Variants in C10orf53 observed in about 807,000 individuals in gnomAD.
C10orf53 encodes the protein UPF0728 protein C10orf53.
Under a neutral mutation model 9.4 loss-of-function variants are expected in C10orf53, and 8 were observed. The ratio of observed to expected loss-of-function variants is 0.85; its 90% CI spans 0.50 to 1.53. The LOEUF (loss-of-function observed/expected upper bound fraction) is 1.53. Among genes scored for constraint, C10orf53 ranks in the 40% most tolerant of loss-of-function variants. C10orf53 has a pLI of 0.00. For synonymous variants in C10orf53, 48 were observed against 46.0 expected (o/e 1.04, Z -0.18); for missense variants, 117 against 117.8 (o/e 0.99, Z 0.03).
intron 2 of C10orf53, chr10:49,694,099 T>G: frequency 3.0e-6 from 2 of 669,268 alleles, no homozygotes; most frequent in Non-Finnish European, 4.9e-6. Context: ...ATGCTACGAG[T>G]TTCCCCAAAC....
intron 1 of C10orf53, among the ~76,000 whole-genome samples, chr10:49,691,920 G>C (rs1244763516): frequency 6.6e-6 from 1 of 152,228 alleles, no homozygotes; most frequent in Non-Finnish European, 1.5e-5. Flanking sequence ...GGAGGTTGGG[G>C]GGTGCGGGTG....
rs1840624796 is a variant in C10orf53 at position 49,695,304 on chromosome 10, G to T, written c.*702G>T. 2 of 152,236 alleles carry T rather than the reference G, an allele frequency of 1.3e-5. No individual in the cohort carries two copies. The highest frequency in any genetic ancestry group is 1.9e-4 in the East Asian group (1 of 5,182). 9.4% of individuals were successfully genotyped at this position (152,236 alleles called of 1,614,324 possible). ...ACACAGCCCCATAGAGTTAAAGAGG[G>T]TTTTCACTATGTTCAGTGTGAAAAT... On this transcript the variant is annotated 3_prime_UTR_variant, in exon 3 of 3. Coordinates refer to ENST00000374111, the MANE Select transcript of C10orf53 (RefSeq NM_001042427.3).
chr10:49,699,304 C>T (rs149208990), downstream of C10orf53, among the ~76,000 whole-genome samples: 872 of 143,880 alleles, frequency 6.1e-3, 9 homozygotes, highest in African/African-American at 0.02. Context: ...AGCAATCCTC[C>T]TGCCTCAGCC....
intron 2 of C10orf53, among the ~76,000 whole-genome samples, chr10:49,706,397 C>A (rs1840722628): frequency 6.6e-6 from 1 of 152,108 alleles, no homozygotes; most frequent in African/African-American, 2.4e-5. Context: ...AATATTGTTC[C>A]ACCATAAAAA....
chr10:49,683,811 G>A (rs1465428348), intron 1 of C10orf53, among the ~76,000 whole-genome samples: 4 of 152,152 alleles, frequency 2.6e-5, no homozygotes, highest in African/African-American at 7.2e-5. Context: ...TGGAAGGATC[G>A]CTTGAGCCCT....
chr10:49,703,153 A>T (rs1195133258), intron 2 of C10orf53, among the ~76,000 whole-genome samples: 1 of 151,434 alleles, frequency 6.6e-6, no homozygotes, highest in Non-Finnish European at 1.5e-5. Context: ...TTCCACCAAG[A>T]CTCTTCCCTT....
chr10:49,689,764 T>C (rs1474652354), intron 1 of C10orf53, among the ~76,000 whole-genome samples: 1 of 152,174 alleles, frequency 6.6e-6, no homozygotes, highest in African/African-American at 2.4e-5. Context: ...CTGAATGCCA[T>C]GGTCTTACTG....
chr10:49,693,422 A>G (rs531349289), intron 1 of C10orf53, among the ~76,000 whole-genome samples: 85 of 152,330 alleles, frequency 5.6e-4, no homozygotes, highest in African/African-American at 2.0e-3. Flanking sequence ...CAGCAGAGTA[A>G]GAAGTTGCCT....
At chr10:49,682,985 C>CTTGGGTTG (rs769846022) in intron 1 of C10orf53, among the ~76,000 whole-genome samples, 14 of 152,162 alleles carry the variant, frequency 9.2e-5, no homozygotes, top group Non-Finnish European at 1.2e-4. Context: ...TTGATAGACA[C>CTTGGGTTG]TTGGGTTGTT....
At chr10:49,681,896 G>T (rs1340047158) in intron 1 of C10orf53, among the ~76,000 whole-genome samples, 5 of 152,100 alleles carry the variant, frequency 3.3e-5, no homozygotes, top group African/African-American at 1.2e-4. Context: ...TTCCATATAT[G>T]AAGTTGGGGG....
At chr10:49,683,507 G>A (rs2132874669) in intron 1 of C10orf53, among the ~76,000 whole-genome samples, 1 of 152,194 alleles carries the variant, frequency 6.6e-6, no homozygotes, top group South Asian at 2.1e-4. Context: ...GTCCTTTGAT[G>A]CACAAAATTT....
At chr10:49,702,536 G>A (rs1356319126) in intron 2 of C10orf53, among the ~76,000 whole-genome samples, 4 of 152,122 alleles carry the variant, frequency 2.6e-5, no homozygotes, top group Admixed American at 6.5e-5. Context: ...TCCTCAAGCC[G>A]GGATGTTGAT....
chr10:49,687,920 G>A (rs1840543855), intron 1 of C10orf53, among the ~76,000 whole-genome samples: 1 of 152,176 alleles, frequency 6.6e-6, no homozygotes, highest in African/African-American at 2.4e-5. Flanking sequence ...TTAAGAAGGA[G>A]AAATGGCAGG....
chr10:49,702,749 A>T (rs1800205229), intron 2 of C10orf53, among the ~76,000 whole-genome samples: 1 of 152,220 alleles, frequency 6.6e-6, no homozygotes, highest in Non-Finnish European at 1.5e-5. Flanking sequence ...ATAGATATAC[A>T]TATAGATCTC....
At chr10:49,701,821 C>T (rs576169737), downstream of C10orf53, among the ~76,000 whole-genome samples, 1 of 152,176 alleles carries the variant, frequency 6.6e-6, no homozygotes, top group Non-Finnish European at 1.5e-5. Flanking sequence ...GTGTGATGAG[C>T]CCATCAATGA....
intron 1 of C10orf53, 102 bp from the exon 2 acceptor site, chr10:49,693,672 A>G: frequency 7.1e-7 from 1 of 1,401,272 alleles, no homozygotes; most frequent in Non-Finnish European, 9.8e-7. Context: ...CCCATGAGCA[A>G]CTAGATGGCA....
intron 1 of C10orf53, 136 bp from the exon 2 acceptor site, chr10:49,693,638 G>A: frequency 9.2e-7 from 1 of 1,088,358 alleles, no homozygotes; most frequent in Admixed American, 2.3e-5. Context: ...CCCAGAAAGT[G>A]CCTACCAGGG....
At chr10:49,681,768 G>A (rs138576261) in intron 1 of C10orf53, among the ~76,000 whole-genome samples, 3 of 152,264 alleles carry the variant, frequency 2.0e-5, no homozygotes, top group Non-Finnish European at 4.4e-5. Context: ...AAGCTCACTG[G>A]TGTCTCTTCT....
At position 49,693,904 on chromosome 10, in the gene C10orf53, T is replaced by A. The variant is rs543163731; in HGVS notation, c.217+11T>A. On this transcript the variant is annotated intron_variant, in intron 2 of 2. Coordinates refer to ENST00000374111, the MANE Select transcript of C10orf53 (RefSeq NM_001042427.3). ...AGGACTTGGAGTTCGGTAAGCCCTT[T>A]GGCGATGCTTCCAGCCAGCAATTTG... The A allele has an allele frequency of 3.7e-6, 6 of 1,614,256 alleles. No individual in the cohort carries two copies. In the South Asian group the frequency reaches 6.6e-5, roughly 18 times the overall value.
Sources: allele counts gnomAD v4.1 joint callset (sites outside exome capture counted in the v4.1 genomes callset), GRCh38; gene constraint gnomAD v4.1.1; transcripts MANE v1.5; gene names NCBI Gene and HGNC (gene_info 2026-07-23, HGNC 2026-07-21).